Variants in PTPRT observed in about 807,000 individuals in gnomAD.
PTPRT encodes the protein protein tyrosine phosphatase receptor type T.
In PTPRT, 56 loss-of-function variants were observed where a neutral mutation model predicts 176.8. That is an observed-to-expected ratio of 0.32 (90% confidence interval 0.26 to 0.40). PTPRT has a LOEUF of 0.40. Among genes scored for constraint, PTPRT ranks in the 10% least tolerant of loss-of-function variants. PTPRT has a pLI of 1.00. For synonymous variants in PTPRT, 783 were observed against 739.0 expected, an observed-to-expected ratio of 1.06 and a Z score of -0.96; for missense variants, 1,540 against 1,908.2, an observed-to-expected ratio of 0.81 and a Z score of 3.60.
intron 7 of PTPRT, among the ~76,000 whole-genome samples, chr20:42,625,015 C>G (rs1210498574): frequency 1.3e-5 from 2 of 152,186 alleles, no homozygotes; most frequent in East Asian, 3.9e-4. Context: ...GGGTCAGGTC[C>G]AAGCATTCTC....
intron 9 of PTPRT, among the ~76,000 whole-genome samples, chr20:42,357,701 G>A (rs2058376387): frequency 6.6e-6 from 1 of 152,090 alleles, no homozygotes; most frequent in African/African-American, 2.4e-5. Flanking sequence ...TTGAGCCTAG[G>A]AGTTTAAGAG....
At chr20:43,071,590 G>A (rs1201228425) in intron 1 of PTPRT, among the ~76,000 whole-genome samples, 1 of 151,786 alleles carries the variant, frequency 6.6e-6, no homozygotes, top group African/African-American at 2.4e-5. Context: ...GTTCGAGACC[G>A]GCCTGACCAA....
Position 42,104,695 on chromosome 20 carries a change from A to G in PTPRT, c.3414T>C (p.Asp1138=), listed in dbSNP as rs779180595. 3.1e-6 allele frequency: 5 copies of G among 1,587,788 alleles called. No homozygotes were observed. The highest frequency in any genetic ancestry group is 3.3e-5 in the Admixed American group (2 of 59,990). Reference sequence around the variant, plus strand: ...CACAGAGGCACGCTTCCAGGATGGCATCGTGCACAAACACATATTGCTCCT... The same window carrying G: ...CACAGAGGCACGCTTCCAGGATGGCGTCGTGCACAAACACATATTGCTCCT... ...QTEEQYVFVH[D]AILEACLCGN... is the part of the protein sequence containing the mutation. The change falls in exon 25 of 31, where the codon GAT becomes GAC. Residue 1138 remains aspartate (D), a synonymous_variant. Coordinates refer to ENST00000373187, the MANE Select transcript of PTPRT (RefSeq NM_007050.6).
chr20:42,362,516 G>C (rs1307202008), intron 9 of PTPRT, among the ~76,000 whole-genome samples: 6 of 152,162 alleles, frequency 3.9e-5, no homozygotes, highest in Non-Finnish European at 8.8e-5. Flanking sequence ...CTGAAAGGCT[G>C]AGGAGATGTC....
intron 7 of PTPRT, among the ~76,000 whole-genome samples, chr20:42,677,192 A>G (rs2075519680): frequency 6.6e-6 from 1 of 152,118 alleles, no homozygotes; most frequent in Non-Finnish European, 1.5e-5. Flanking sequence ...CATGGTTGGC[A>G]ACAGAAGCCC....
chr20:43,087,583 C>T, intron 1 of PTPRT, among the ~76,000 whole-genome samples: 1 of 152,006 alleles, frequency 6.6e-6, no homozygotes, highest in Non-Finnish European at 1.5e-5. Flanking sequence ...AGGCTGGTCT[C>T]AAACTCCTGA....
At chr20:42,232,723 T>C (rs1293820179) in intron 15 of PTPRT, among the ~76,000 whole-genome samples, 1 of 150,726 alleles carries the variant, frequency 6.6e-6, no homozygotes, top group Non-Finnish European at 1.5e-5. Context: ...AGCCCCTTCC[T>C]TCTGCCCAGG....
chr20:42,757,950 A>G (rs2076859523), intron 5 of PTPRT, among the ~76,000 whole-genome samples: 1 of 152,174 alleles, frequency 6.6e-6, no homozygotes, highest in East Asian at 1.9e-4. Context: ...ATAAATCTTC[A>G]TTGTGTCTTC....
At chr20:42,217,424 CAG>C (rs35736158) in intron 15 of PTPRT, among the ~76,000 whole-genome samples, 1,462 of 88,554 alleles carry the variant, frequency 0.017, 72 homozygotes, top group African/African-American at 0.087. Flanking sequence ...CACACACACA[CAG>C]AACATTACGT....
intron 1 of PTPRT, among the ~76,000 whole-genome samples, chr20:43,056,567 A>T (rs1987241905): frequency 6.6e-6 from 1 of 152,240 alleles, no homozygotes; most frequent in Non-Finnish European, 1.5e-5. Flanking sequence ...CTGAAGCAAG[A>T]TATAAAATTT....
At chr20:42,930,312 G>A (rs1979751909) in intron 1 of PTPRT, among the ~76,000 whole-genome samples, 1 of 152,022 alleles carries the variant, frequency 6.6e-6, no homozygotes, top group African/African-American at 2.4e-5. Flanking sequence ...GCCACTGCAG[G>A]TCTTTGTTTC....
chr20:42,453,944 C>T (rs1177659497), intron 8 of PTPRT, among the ~76,000 whole-genome samples: 4 of 151,910 alleles, frequency 2.6e-5, no homozygotes, highest in Non-Finnish European at 5.9e-5. Context: ...GGTGATACAC[C>T]TGTGTTGGCC....
intron 2 of PTPRT, among the ~76,000 whole-genome samples, chr20:42,841,043 A>T (rs1188943442): frequency 1.3e-5 from 2 of 152,118 alleles, no homozygotes; most frequent in Admixed American, 1.3e-4. Context: ...ACAGCCTGCT[A>T]AATTTCCCAA....
chr20:42,337,852 T>A (rs1435991707), intron 11 of PTPRT, among the ~76,000 whole-genome samples: 1 of 152,188 alleles, frequency 6.6e-6, no homozygotes, highest in Non-Finnish European at 1.5e-5. Context: ...ACGGAAAAGC[T>A]TAATAAGGGT....
At chr20:42,570,624 C>T (rs2145685700) in intron 7 of PTPRT, among the ~76,000 whole-genome samples, 1 of 152,222 alleles carries the variant, frequency 6.6e-6, no homozygotes, top group Non-Finnish European at 1.5e-5. Flanking sequence ...ATCTTTATAT[C>T]TCTTGGTACC....
intron 1 of PTPRT, among the ~76,000 whole-genome samples, chr20:43,141,861 T>C (rs565592924): frequency 1.1e-4 from 16 of 152,310 alleles, no homozygotes; most frequent in African/African-American, 3.6e-4. Context: ...CTAGTGCCCG[T>C]GGTTGAGTAT....
chr20:42,647,058 T>C (rs2074922262), intron 7 of PTPRT, among the ~76,000 whole-genome samples: 1 of 151,720 alleles, frequency 6.6e-6, no homozygotes, highest in African/African-American at 2.4e-5. Context: ...CATGGCCAGC[T>C]ACTTTTTAAA....
intron 9 of PTPRT, among the ~76,000 whole-genome samples, chr20:42,440,688 A>G (rs886403860): frequency 6.6e-6 from 1 of 152,074 alleles, no homozygotes; most frequent in Admixed American, 6.5e-5. Context: ...CGTGTTAGCC[A>G]GGATGGTCTC....
intron 1 of PTPRT, among the ~76,000 whole-genome samples, chr20:42,960,410 A>G (rs1051203742): frequency 2.6e-5 from 4 of 152,228 alleles, no homozygotes; most frequent in Admixed American, 2.6e-4. Flanking sequence ...TAGCCCTTTT[A>G]TAAAAGCATT....
Sources: gnomAD v4.1 joint callset for allele counts (sites outside exome capture counted in the v4.1 genomes callset) on GRCh38, gnomAD v4.1.1 for gene constraint, MANE v1.5 for transcripts, NCBI Gene and HGNC (gene_info 2026-07-23, HGNC 2026-07-21) for gene names.